TMEM30A: variants seen among roughly 807,000 people sequenced by gnomAD.
TMEM30A encodes the protein cell cycle control protein 50A.
TMEM30A carries 24 observed loss-of-function variants against 38.2 expected under a neutral mutation model. That is an observed-to-expected ratio of 0.63 (90% confidence interval 0.46 to 0.88). The LOEUF (loss-of-function observed/expected upper bound fraction) is 0.88. Ranked by LOEUF, TMEM30A falls within the 40% of genes least tolerant of loss-of-function variation. The probability of loss-of-function intolerance (pLI) is 0.00; values close to 1 mark genes in which losing one functional copy is unlikely to be tolerated. For synonymous variants in TMEM30A, 145 were observed against 161.6 expected, an observed-to-expected ratio of 0.90 and a Z score of 0.78; for missense variants, 370 against 458.6, an observed-to-expected ratio of 0.81 and a Z score of 1.77.
intron 1 of TMEM30A, among the ~76,000 whole-genome samples, chr6:75,273,201 AAAGCCTC>A (rs1354283173): frequency 2.6e-5 from 4 of 152,220 alleles, no homozygotes; most frequent in African/African-American, 9.6e-5. Context: ...TGCTGACAAT[AAAGCCTC>A]AGCAAGCTAA....
At chr6:75,270,095 C>T (rs561498058) in intron 1 of TMEM30A, among the ~76,000 whole-genome samples, 119 of 152,224 alleles carry the variant, frequency 7.8e-4, no homozygotes, top group African/African-American at 2.1e-3. Flanking sequence ...TAAGTCACTG[C>T]GCCCAGCTGA....
chr6:75,264,224 C>T lies in TMEM30A; in HGVS notation c.453+1007G>A, dbSNP rs79524316. Among the ~76,000 whole-genome samples, 1,077 of 152,280 alleles carry T rather than the reference C, an allele frequency of 7.1e-3. 34 individuals are homozygous for T. The East Asian group carries it at 0.11, about 15-fold the overall frequency. ...CCTAGAGCAGTTATATTTTACATTT[C>T]GGAGGCCCATGCTGCTCACAACATA... On this transcript the variant is annotated intron_variant, in intron 3 of 6. Transcript: ENST00000230461.
chr6:75,266,895 G>A (rs1398014513), intron 2 of TMEM30A, among the ~76,000 whole-genome samples: 1 of 152,236 alleles, frequency 6.6e-6, no homozygotes, highest in Non-Finnish European at 1.5e-5. Flanking sequence ...GTCAGTGCAA[G>A]AGCATCTATA....
chr6:75,274,953 G>A (rs946373172), intron 1 of TMEM30A, among the ~76,000 whole-genome samples: 5 of 149,710 alleles, frequency 3.3e-5, no homozygotes, highest in African/African-American at 4.9e-5. Context: ...GGAGCTTGCA[G>A]TAAGCCAAGA....
rs1283966352 is a variant in TMEM30A, at chr6:75,253,365, C to T, written c.*2737G>A. 6 of 152,236 alleles carry T rather than the reference C, an allele frequency of 3.9e-5. No homozygotes were observed. Among genetic ancestry groups the T allele is most frequent in the Non-Finnish European group, 8.8e-5 (6 of 68,022 alleles). The allele number at this position is 152,236 out of a possible 1,614,324, so 9.4% of individuals were successfully genotyped here. On this transcript the variant is annotated 3_prime_UTR_variant, in exon 7 of 7. Coordinates refer to ENST00000230461, the MANE Select transcript of TMEM30A (RefSeq NM_018247.4). ...ACATTCCCCTTGATCTAATACCAAA[C>T]TTAGCCAGTCTAACTGTAACTCAGA...
chr6:75,260,157 G>A lies in TMEM30A; in HGVS notation c.541+667C>T, dbSNP rs954627970. Reference sequence around the variant, plus strand: ...GCAGTGGCTCACGCCTGTAATCCCAGCAACTTGGGAGGCCGAAGTGGGCGG... The same window carrying A: ...GCAGTGGCTCACGCCTGTAATCCCAACAACTTGGGAGGCCGAAGTGGGCGG... On this transcript the variant is annotated intron_variant, in intron 4 of 6. Transcript: ENST00000230461. 5.9e-5 allele frequency among the ~76,000 whole-genome samples: 9 copies of A among 152,088 alleles called. 1 individual carries two copies. The highest frequency in any genetic ancestry group is 2.0e-4 in the Admixed American group (3 of 15,280).
intron 1 of TMEM30A, among the ~76,000 whole-genome samples, chr6:75,283,756 G>A (rs1772401454): frequency 6.6e-6 from 1 of 152,076 alleles, no homozygotes; most frequent in Non-Finnish European, 1.5e-5. Flanking sequence ...GAAGTTTCAG[G>A]TTATCTTTTA....
chr6:75,261,789 A>G (rs1475563582), intron 3 of TMEM30A, among the ~76,000 whole-genome samples: 1 of 152,228 alleles, frequency 6.6e-6, no homozygotes, highest in Non-Finnish European at 1.5e-5. Flanking sequence ...TAGATTGGAT[A>G]AAAGCACTTG....
intron 1 of TMEM30A, among the ~76,000 whole-genome samples, chr6:75,270,287 CTATTGA>C (rs1283066883): frequency 6.6e-6 from 1 of 152,136 alleles, no homozygotes; most frequent in East Asian, 1.9e-4. Flanking sequence ...TTGTAATTCT[CTATTGA>C]TATATGATGT....
At chr6:75,276,730 A>G (rs927390253) in intron 1 of TMEM30A, among the ~76,000 whole-genome samples, 6 of 152,218 alleles carry the variant, frequency 3.9e-5, no homozygotes, top group Admixed American at 3.3e-4. Flanking sequence ...TATCTGTGCA[A>G]AACTTTTCAA....
chr6:75,284,094 C>T (rs1772413162), intron 1 of TMEM30A: 1 of 412,026 alleles, frequency 2.4e-6, no homozygotes. Context: ...CGGAACCACA[C>T]AAACCGCCCA....
At chr6:75,277,652 C>T (rs922251984) in intron 1 of TMEM30A, among the ~76,000 whole-genome samples, 8 of 152,094 alleles carry the variant, frequency 5.3e-5, no homozygotes, top group Admixed American at 5.2e-4. Flanking sequence ...TGCTTGTAAT[C>T]CCAACACTCT....
intron 1 of TMEM30A, among the ~76,000 whole-genome samples, chr6:75,276,321 G>C (rs1772258459): frequency 6.6e-6 from 1 of 152,204 alleles, no homozygotes; most frequent in Non-Finnish European, 1.5e-5. Context: ...AACTCAAGGA[G>C]GGCGTCATGG....
At position 75,258,857 on chromosome 6, in the gene TMEM30A, A is replaced by G. The variant is rs900721497; in HGVS notation, c.815T>C (p.Leu272Ser). ...ACTTTTCCTTTCTATAAGACGATACAACTTGCGAAAAGTAGGTAATGCTGC... is the reference window on the plus strand; with the variant it reads ...ACTTTTCCTTTCTATAAGACGATACGACTTGCGAAAAGTAGGTAATGCTGC... ...RTAALPTFRK[L>S]YRLIERKSDL... The change falls in exon 6 of 7, where the codon TTG (leucine) becomes TCG (serine). Residue 272 changes from leucine (L) to serine (S), a missense_variant. Leu to Ser is a moderately radical substitution (Grantham distance 145, BLOSUM62 -2). Coordinates refer to ENST00000230461, the MANE Select transcript of TMEM30A (RefSeq NM_018247.4). 6.2e-7 allele frequency: 1 copy of G among 1,614,016 alleles called. No homozygotes were observed. Among genetic ancestry groups the G allele is most frequent in the Non-Finnish European group, 8.5e-7 (1 of 1,179,926 alleles).
At chr6:75,268,539 CTAATGTGCTGGGAGGG>C (rs1265380223) in intron 1 of TMEM30A, among the ~76,000 whole-genome samples, 2 of 152,184 alleles carry the variant, frequency 1.3e-5, no homozygotes, top group Non-Finnish European at 2.9e-5. Context: ...GGTGAATCCA[CTAATGTGCTGGGAGGG>C]TAATGTGCTC....
chr6:75,267,582 T>C lies in TMEM30A; in HGVS notation c.345+59A>G, dbSNP rs1772090471. On this transcript the variant is annotated intron_variant, in intron 2 of 6. Transcript: ENST00000230461. ...AAAATACCTTGTAAAAGACATTTAG[T>C]ACAGTATCAGTATTTTTTAAAGCAT... 8.3e-6 allele frequency: 10 copies of C among 1,208,034 alleles called. No homozygotes were observed. The South Asian group carries it at 1.4e-4, about 17-fold the overall frequency. The allele number at this position is 1,208,034 out of a possible 1,614,324, so 74.8% of individuals were successfully genotyped here.
chr6:75,262,457 A>G (rs1206227401), intron 3 of TMEM30A, among the ~76,000 whole-genome samples: 1 of 152,168 alleles, frequency 6.6e-6, no homozygotes, highest in African/African-American at 2.4e-5. Flanking sequence ...AGCCTGCCTA[A>G]GATGGTGAAA....
chr6:75,261,816 A>T (rs1771969211), intron 3 of TMEM30A, among the ~76,000 whole-genome samples: 1 of 152,226 alleles, frequency 6.6e-6, no homozygotes, highest in Non-Finnish European at 1.5e-5. Flanking sequence ...TGGAAAAGAT[A>T]AGGCTAAGGA....
At chr6:75,284,085 G>T in intron 1 of TMEM30A, 1 of 228,166 alleles carries the variant, frequency 4.4e-6, no homozygotes, top group Non-Finnish European at 8.5e-6. Context: ...AATCCCCCAC[G>T]GAACCACACA....
Sources: allele counts gnomAD v4.1 joint callset (sites outside exome capture counted in the v4.1 genomes callset), GRCh38; gene constraint gnomAD v4.1.1; transcripts MANE v1.5; gene names NCBI Gene and HGNC (gene_info 2026-07-23, HGNC 2026-07-21).